Variants in C5 observed in about 807,000 individuals in gnomAD.
C5 encodes complement C5.
C5 carries 140 observed loss-of-function variants against 218.8 expected under a neutral mutation model. The ratio of observed to expected loss-of-function variants is 0.64; its 90% CI spans 0.56 to 0.74. The LOEUF (loss-of-function observed/expected upper bound fraction) is 0.74. Ranked by LOEUF, C5 falls within the 30% of genes least tolerant of loss-of-function variation. The pLI is 0.00. For missense variants in C5, 1,700 were observed against 1,969.6 expected, an observed-to-expected ratio of 0.86 and a Z score of 2.59; for synonymous variants, 614 against 682.3, an observed-to-expected ratio of 0.90 and a Z score of 1.56.
chr9:121,006,813 G>T, intron 19 of C5, 91 bp downstream of exon 19: 1 of 939,268 alleles, frequency 1.1e-6, no homozygotes, highest in Non-Finnish European at 1.7e-6. Flanking sequence ...TACCATTTAA[G>T]TCCTGGGTAA....
At chr9:120,989,234 A>G in intron 24 of C5, 113 bp from the exon 25 acceptor site, 1 of 835,984 alleles carries the variant, frequency 1.2e-6, no homozygotes, top group Non-Finnish European at 2.1e-6. Flanking sequence ...GGCAGCAAGC[A>G]TATGCTCTGT....
chr9:120,963,801 C>T (rs2046846274), intron 33 of C5, 63 bp from the exon 34 acceptor site: 11 of 1,267,686 alleles, frequency 8.7e-6, no homozygotes, highest in Admixed American at 3.5e-5. Flanking sequence ...TAAGAAAGGA[C>T]ACTCTTCCTT....
the C5 span, among the ~76,000 whole-genome samples, chr9:121,074,128 T>C: frequency 6.6e-6 from 1 of 152,236 alleles, no homozygotes; most frequent in Admixed American, 6.5e-5. Context: ...ACTGGGGATT[T>C]CTGGAGCGGG....
At position 120,961,024 on chromosome 9, in the gene C5, G is replaced by A. The variant is rs149142639; in HGVS notation, c.4588+458C>T. Among the ~76,000 whole-genome samples the A allele has an allele frequency of 1.5e-3, 224 of 152,322 alleles. 3 individuals carry two copies. Among genetic ancestry groups the A allele is most frequent in the East Asian group, 6.0e-3 (31 of 5,190 alleles). Reference sequence around the variant, plus strand: ...AACTGAGACCCTCATGGAGCCAGCTGTTGATTATTGGTGAGTTCTGGATCT... The same window carrying A: ...AACTGAGACCCTCATGGAGCCAGCTATTGATTATTGGTGAGTTCTGGATCT... On this transcript the variant is annotated intron_variant, in intron 37 of 40. Coordinates refer to ENST00000223642, the MANE Select transcript of C5 (RefSeq NM_001735.3).
In C5 at chr9:120,961,471, A is replaced by G. The variant is rs751983007; in HGVS notation, c.4588+11T>C. 2 of 1,579,376 alleles carry G rather than the reference A, an allele frequency of 1.3e-6. No individual in the cohort carries two copies. The highest frequency in any genetic ancestry group is 2.2e-5 in the South Asian group (2 of 90,352). ...TAAGCATGCAGCCTAAATATGTTAA[A>G]TAAAGTTTACCTTCTACACACTTGC... On this transcript the variant is annotated intron_variant, in intron 37 of 40. Transcript: ENST00000223642.
intron 24 of C5, 23 bp downstream of exon 24, chr9:120,989,545 T>C: frequency 6.8e-7 from 1 of 1,474,368 alleles, no homozygotes; most frequent in African/African-American, 1.4e-5. Flanking sequence ...CCAATTTTTA[T>C]GTGAAATACT....
At chr9:121,023,315 C>T in intron 10 of C5, 89 bp downstream of exon 10, 1 of 861,354 alleles carries the variant, frequency 1.2e-6, no homozygotes, top group Non-Finnish European at 2.0e-6. Context: ...TTCATGGCAA[C>T]ATTCTTACCC....
chr9:121,032,017 C>A, intron 6 of C5, 96 bp downstream of exon 6: 1 of 690,844 alleles, frequency 1.4e-6, no homozygotes, highest in East Asian at 3.0e-5. Flanking sequence ...GAGCTGAGAT[C>A]GTGCCACTGC....
At chr9:121,027,118 G>T in intron 8 of C5, 42 bp downstream of exon 8, 1 of 1,009,526 alleles carries the variant, frequency 9.9e-7, no homozygotes, top group Non-Finnish European at 1.6e-6. Flanking sequence ...CTCACCTCTG[G>T]ATGCATCTGT....
chr9:121,071,245 T>C, the C5 span, among the ~76,000 whole-genome samples: 6 of 151,908 alleles, frequency 3.9e-5, no homozygotes, highest in Non-Finnish European at 8.8e-5. Flanking sequence ...GTTTGAACCC[T>C]GGAGGTGGAG....
In C5 at chr9:120,963,617, T is replaced by C. The variant is rs2046844070; in HGVS notation, c.4323+19A>G. The C allele has an allele frequency of 1.3e-6, 2 of 1,550,116 alleles. No homozygotes were observed. The highest frequency in any genetic ancestry group is 1.8e-6 in the Non-Finnish European group (2 of 1,122,172). On this transcript the variant is annotated intron_variant, in intron 34 of 40. Transcript: ENST00000223642. ...AGAAAATGAAGCATTCACAACACGA[T>C]TTAAAAGAAAACACATACGGCTTTT...
rs534785208 is a variant in C5 at position 120,962,672 on chromosome 9, T to C, written c.4503A>G (p.Pro1501=). ...AAATGTTAGCATGGAGTTGATTACC[T>C]GGTCTGTGGTATTCGTACACTGTGA... is the stretch of plus-strand genomic sequence containing the variant. The part of the protein sequence containing the change: ...ATFTVYEYHR[P]DKQCTMFYST... Residue 1501 remains proline (P), a splice_region_variant and synonymous_variant, in exon 36 of 41, where the codon CCA becomes CCG. Transcript: ENST00000223642. The C allele has an allele frequency of 6.3e-7, 1 of 1,595,742 alleles. No individual in the cohort carries two copies. Among genetic ancestry groups the C allele is most frequent in the African/African-American group, 1.3e-5 (1 of 74,662 alleles).
At chr9:121,031,534 G>C (rs936178211) in intron 6 of C5, among the ~76,000 whole-genome samples, 5 of 151,996 alleles carry the variant, frequency 3.3e-5, no homozygotes, top group African/African-American at 1.2e-4. Context: ...CTCTTCAGGG[G>C]ACTAGATCTC....
At chr9:121,062,880 CTT>C in the C5 span, among the ~76,000 whole-genome samples, 1 of 151,986 alleles carries the variant, frequency 6.6e-6, no homozygotes, top group Non-Finnish European at 1.5e-5. Context: ...TTGCTTTTCT[CTT>C]GTTATTTTCA....
chr9:121,030,296 G>T, intron 7 of C5, 101 bp downstream of exon 7: 1 of 647,298 alleles, frequency 1.5e-6, no homozygotes, highest in South Asian at 2.0e-5. Flanking sequence ...GGCACACTTT[G>T]ATAATAAATC....
intron 11 of C5, among the ~76,000 whole-genome samples, chr9:121,021,224 G>A (rs2047362533): frequency 6.6e-6 from 1 of 152,176 alleles, no homozygotes; most frequent in African/African-American, 2.4e-5. Context: ...ACACTCATGT[G>A]CACTGCTATA....
Position 120,994,594 on chromosome 9 carries a change from A to G in C5, c.2851+1646T>C, listed in dbSNP as rs535538292. 9.1e-5 allele frequency among the ~76,000 whole-genome samples: 5 copies of G among 54,798 alleles called. No homozygotes were observed. In the East Asian group the frequency reaches 4.9e-3, roughly 54 times the overall value. 35.9% of individuals were successfully genotyped at this position (54,798 alleles called of 152,430 possible). On this transcript the variant is annotated intron_variant, in intron 22 of 40. Coordinates refer to ENST00000223642, the MANE Select transcript of C5 (RefSeq NM_001735.3). ...TGAGACCCTGTCCCCCCACCCCACA[A>G]AAAAAAAATAATAAATATTAGAAGT...
At chr9:121,066,493 G>A in the C5 span, among the ~76,000 whole-genome samples, 1 of 151,926 alleles carries the variant, frequency 6.6e-6, no homozygotes, top group Non-Finnish European at 1.5e-5. Flanking sequence ...TATTTAATGT[G>A]GAGAATAATT....
In C5 at chr9:120,962,920, A is replaced by C; in HGVS notation, c.4371T>G (p.Asp1457Glu). 1 of 1,614,168 alleles carries C rather than the reference A, an allele frequency of 6.2e-7. No individual in the cohort carries two copies. The change falls in exon 35 of 41, where the codon GAT (aspartate) becomes GAG (glutamate). Residue 1457 changes from aspartate (D) to glutamate (E), a missense_variant. Physicochemically the swap from Asp to Glu is conservative, Grantham distance 45 (BLOSUM62 2). Transcript: ENST00000223642. Reference protein sequence around the residue: ...DQLFTDYQIKDGHVILQLNSI... With the variant: ...DQLFTDYQIKEGHVILQLNSI... ...AATTCAGTTGCAGAATAACATGTCC[A>C]TCTTTGATTTGGTAATCAGTGAATA...
Sources: allele counts gnomAD v4.1 joint callset (sites outside exome capture counted in the v4.1 genomes callset), GRCh38; gene constraint gnomAD v4.1.1; transcripts MANE v1.5; gene names NCBI Gene and HGNC (gene_info 2026-07-23, HGNC 2026-07-21).